The following CCAR1 variants were observed in gnomAD, a reference collection of about 807,000 sequenced individuals.
The protein encoded by CCAR1 is cell division cycle and apoptosis regulator protein 1.
In CCAR1, 78 loss-of-function variants were observed where a neutral mutation model predicts 163.8. That is an observed-to-expected ratio of 0.48 (90% CI 0.40 to 0.57). The LOEUF (loss-of-function observed/expected upper bound fraction) is 0.57, where lower values mean the gene tolerates loss of function less well. CCAR1 is among the 20% of genes least tolerant of loss of function. The pLI, the probability that CCAR1 is intolerant of heterozygous loss-of-function variation, is 0.00. For synonymous variants in CCAR1, 443 were observed against 460.7 expected (o/e 0.96, Z 0.49); for missense variants, 1,019 against 1,365.2 (o/e 0.75, Z 4.00).
chr10:68,771,508 T>A (rs1184270272), intron 18 of CCAR1, 63 bp downstream of exon 18: 1 of 1,387,832 alleles, frequency 7.2e-7, no homozygotes. Context: ...AAGGTTGATG[T>A]TGATTTCCAT....
intron 4 of CCAR1, among the ~76,000 whole-genome samples, chr10:68,738,306 T>G: frequency 6.6e-6 from 1 of 151,836 alleles, no homozygotes; most frequent in Non-Finnish European, 1.5e-5. Flanking sequence ...CCCAGCTACG[T>G]GGGAGGCTGA....
At position 68,749,554 on chromosome 10, in the gene CCAR1, G is replaced by T. The variant is rs778834570; in HGVS notation, c.987G>T (p.Ser329=). ...SRERERERRR[S]RERSPQRKRS... ...AGAGAGAGAGAGAAAGACGTAGATC[G>T]AGAGAAAGATCACCTCAGAGGAAAC... Residue 329 remains serine (S), a synonymous_variant, in exon 10 of 25, where the codon TCG becomes TCT. Transcript: ENST00000265872. 6.2e-7 allele frequency: 1 copy of T among 1,613,690 alleles called. No homozygotes were observed. The highest frequency in any genetic ancestry group is 8.5e-7 in the Non-Finnish European group (1 of 1,179,814).
intron 19 of CCAR1, among the ~76,000 whole-genome samples, chr10:68,779,526 C>T (rs190940868): frequency 0.019 from 2,851 of 151,018 alleles, 42 homozygotes; most frequent in Non-Finnish European, 0.026. Context: ...CCCAAAGTGC[C>T]GGGATTACAG....
At chr10:68,789,505 C>T (rs1364910739) in intron 23 of CCAR1, among the ~76,000 whole-genome samples, 2 of 151,874 alleles carry the variant, frequency 1.3e-5, no homozygotes, top group East Asian at 2.0e-4. Context: ...CTCAAGCTGG[C>T]GCAACAGAGT....
chr10:68,735,194 A>C (rs559475013), intron 2 of CCAR1, among the ~76,000 whole-genome samples: 1 of 152,054 alleles, frequency 6.6e-6, no homozygotes, highest in African/African-American at 2.4e-5. Flanking sequence ...CCAAAAATTT[A>C]AAAATTAGCA....
chr10:68,768,242 T>C (rs2056559250), intron 17 of CCAR1, among the ~76,000 whole-genome samples: 1 of 152,216 alleles, frequency 6.6e-6, no homozygotes, highest in African/African-American at 2.4e-5. Context: ...GGGATTTTTT[T>C]TTCCAATGTT....
At position 68,742,515 on chromosome 10, in the gene CCAR1, C is replaced by G. The variant is rs1158920217; in HGVS notation, c.464C>G (p.Thr155Arg). 1.2e-6 allele frequency: 2 copies of G among 1,614,102 alleles called. No individual in the cohort carries two copies. The highest frequency in any genetic ancestry group is 2.2e-5 in the South Asian group (2 of 91,070). Residue 155 changes from threonine to arginine, a missense_variant, in exon 6 of 25, where the codon ACA (threonine) becomes AGA (arginine). Thr to Arg is a moderately conservative substitution (Grantham distance 71, BLOSUM62 -1). Transcript: ENST00000265872. ...QKQRVFTGVV[T>R]KLHDTFGFVD... ...CAGCGTGTTTTCACAGGGGTGGTTA[C>G]AAAACTACATGATACGTTTGGATTT...
At chr10:68,735,786 A>T (rs998637590) in intron 2 of CCAR1, 1 of 152,164 alleles carries the variant, frequency 6.6e-6, no homozygotes, top group African/African-American at 2.4e-5. Context: ...CAGTAACTGA[A>T]TAACCGCTTT....
At chr10:68,740,741 T>A in intron 5 of CCAR1, 80 bp downstream of exon 5, 1 of 1,163,572 alleles carries the variant, frequency 8.6e-7, no homozygotes, top group South Asian at 1.4e-5. Flanking sequence ...TACTTTTTCT[T>A]TCAGGGTTTA....
chr10:68,763,969 T>C (rs866939235), intron 16 of CCAR1, among the ~76,000 whole-genome samples: 1 of 152,218 alleles, frequency 6.6e-6, no homozygotes, highest in South Asian at 2.1e-4. Context: ...GAATGGTATT[T>C]AGAATCCAAG....
chr10:68,789,836 T>C lies in CCAR1; in HGVS notation c.3314T>C (p.Leu1105Ser). 4.4e-6 allele frequency: 7 copies of C among 1,607,998 alleles called. No individual in the cohort carries two copies. The change falls in exon 24 of 25, where the codon TTA (leucine) becomes TCA (serine). Residue 1105 changes from leucine (L) to serine (S), a missense_variant. Around this residue, in one of 4 missense-constraint regions of CCAR1, gnomAD observed 358 missense variants for 406.4 expected, o/e 0.88. Transcript: ENST00000265872. ...TTAAAGATTTCGGAAAACATGAATT[T>C]ACAATTTGAAAACCAAATGAATAAG... ...ENLKISENMN[L>S]QFENQMNKTI...
rs752117213 is a variant in CCAR1 at position 68,747,526 on chromosome 10, G to A, written c.786G>A (p.Gln262=). The change falls in exon 8 of 25, where the codon CAG becomes CAA. Residue 262 remains glutamine (Q), a synonymous_variant. Coordinates refer to ENST00000265872, the MANE Select transcript of CCAR1 (RefSeq NM_018237.4). ...CAGCTTCTATTACACCACTATTGCA[G>A]ACTCAACCACAGCCCTTATTACAGC... ...ISAASITPLL[Q]TQPQPLLQQP... 10 of 1,613,960 alleles carry A rather than the reference G, an allele frequency of 6.2e-6. No individual in the cohort carries two copies. The highest frequency in any genetic ancestry group is 8.5e-6 in the Non-Finnish European group (10 of 1,180,024).
At chr10:68,773,214 G>A (rs1037995684) in intron 19 of CCAR1, 115 bp downstream of exon 19, 4 of 555,212 alleles carry the variant, frequency 7.2e-6, no homozygotes, top group African/African-American at 4.0e-5. Context: ...AATAGAAAGA[G>A]TAATATACTC....
intron 1 of CCAR1, 150 bp from the exon 2 acceptor site, chr10:68,722,305 C>T: frequency 1.8e-6 from 1 of 546,928 alleles, no homozygotes; most frequent in East Asian, 3.0e-5. Context: ...TTTGGATGTT[C>T]ATTTGCCCTT....
At chr10:68,727,853 C>T (rs1247534040) in intron 2 of CCAR1, among the ~76,000 whole-genome samples, 1 of 152,102 alleles carries the variant, frequency 6.6e-6, no homozygotes, top group Admixed American at 6.6e-5. Flanking sequence ...GCTCTGTCTG[C>T]TCAGGCTGGA....
intron 5 of CCAR1, among the ~76,000 whole-genome samples, chr10:68,740,884 TTTATTTATTTATTTATTTA>T (rs1388738959): frequency 1.9e-5 from 2 of 103,144 alleles, no homozygotes; most frequent in Admixed American, 1.8e-4. Flanking sequence ...GAGGTTTTAT[TTTATTTATTTATTTATTTA>T]TTTATTTATT....
Position 68,760,999 on chromosome 10 carries a change from A to G in CCAR1, c.1921-8A>G, listed in dbSNP as rs753838568. 11 of 1,287,398 alleles carry G rather than the reference A, an allele frequency of 8.5e-6. No individual in the cohort carries two copies. The highest frequency in any genetic ancestry group is 7.3e-5 in the East Asian group (2 of 27,508). The allele number at this position is 1,287,398 out of a possible 1,614,324, so 79.7% of individuals were successfully genotyped here. The stretch of plus-strand genomic sequence containing the variant: ...TTTTTTCCGTGTTTTTCTGCTCCAT[A>G]TATTCAGGTAAATGACCTCCGAAAA... On this transcript the variant is annotated splice_polypyrimidine_tract_variant and splice_region_variant and intron_variant, in intron 15 of 24. Coordinates refer to ENST00000265872, the MANE Select transcript of CCAR1 (RefSeq NM_018237.4).
At chr10:68,750,331 C>T (rs958535725) in intron 10 of CCAR1, among the ~76,000 whole-genome samples, 1 of 151,146 alleles carries the variant, frequency 6.6e-6, no homozygotes. Context: ...AAGCTATTCT[C>T]CTGCCTCAGC....
At chr10:68,751,231 T>G (rs944615229) in intron 10 of CCAR1, among the ~76,000 whole-genome samples, 1 of 151,978 alleles carries the variant, frequency 6.6e-6, no homozygotes, top group Admixed American at 6.6e-5. Flanking sequence ...TTCACCATGT[T>G]GGCCAGGCTA....
Sources: gnomAD v4.1 joint callset for allele counts (sites outside exome capture counted in the v4.1 genomes callset) on GRCh38, gnomAD v4.1.1 for gene constraint, gnomAD v4.1.1 regional missense constraint, MANE v1.5 for transcripts, NCBI Gene and HGNC (gene_info 2026-07-23, HGNC 2026-07-21) for gene names.